Variants in TAOK2 observed in about 807,000 individuals in gnomAD.
The protein encoded by TAOK2 is serine/threonine-protein kinase TAO2.
A neutral mutation model predicts 122.5 loss-of-function variants in TAOK2; 42 were observed. The observed-to-expected ratio is 0.34, with a 90% CI of 0.27 to 0.44. The LOEUF (loss-of-function observed/expected upper bound fraction) is 0.44. Ranked by LOEUF, TAOK2 falls within the 20% of genes least tolerant of loss-of-function variation. The pLI, the probability that TAOK2 is intolerant of heterozygous loss-of-function variation, is 1.00. For missense variants in TAOK2, 1,264 were observed against 1,644.9 expected (o/e 0.77, Z 4.01); for synonymous variants, 704 against 677.6 (o/e 1.04, Z -0.61).
In TAOK2 at chr16:29,978,819, G is replaced by T; in HGVS notation, c.327G>T (p.Leu109=). 3 of 1,614,046 alleles carry T rather than the reference G, an allele frequency of 1.9e-6. No homozygotes were observed. The highest frequency in any genetic ancestry group is 1.7e-5 in the Admixed American group (1 of 60,014). The change falls in exon 5 of 16, where the codon CTG becomes CTT. Residue 109 remains leucine, a synonymous_variant. Coordinates refer to ENST00000308893, the MANE Select transcript of TAOK2 (RefSeq NM_016151.4). ...CTTAGCTGGTAATGGAGTATTGCCT[G>T]GGCTCAGCTTCTGACCTTCTAGAAG... ...HTAWLVMEYC[L]GSASDLLEVH...
rs750289878 is a variant in TAOK2, at chr16:29,987,123, C to A, written c.2851C>A (p.Leu951Ile). 5.6e-6 allele frequency: 9 copies of A among 1,606,012 alleles called. No individual in the cohort carries two copies. In the Middle Eastern group the frequency reaches 5.0e-4, roughly 89 times the overall value. The change falls in exon 16 of 16, where the codon CTC (leucine) becomes ATC (isoleucine). Residue 951 changes from leucine (L) to isoleucine (I), a missense_variant. Leu to Ile is a conservative substitution (Grantham distance 5). Transcript: ENST00000308893. ...SQLPGLLSHG[L>I]LAGLSFAVGS... ...GCTCCCTGGACTCCTGTCCCATGGCCTCCTGGCCGGCCTCTCCTTTGCAGT... is the reference window on the plus strand; with the variant it reads ...GCTCCCTGGACTCCTGTCCCATGGCATCCTGGCCGGCCTCTCCTTTGCAGT...
chr16:29,991,661 A>T, downstream of TAOK2: 1 of 1,371,042 alleles, frequency 7.3e-7, no homozygotes, highest in Non-Finnish European at 9.5e-7. The surrounding 1 kb of genome is among the most constrained non-coding windows in gnomAD (Gnocchi z 5.6). Flanking sequence ...CTGCAAGGGT[A>T]GGGGACAAGA....
At chr16:29,988,869 T>G, downstream of TAOK2, 1 of 984,856 alleles carries the variant, frequency 1.0e-6, no homozygotes, top group Non-Finnish European at 1.2e-6. Context: ...GGGCCTGGAG[T>G]GGGAGCTGAG....
At chr16:29,990,190 T>C (rs1191179278), downstream of TAOK2, 2 of 223,342 alleles carry the variant, frequency 9.0e-6, no homozygotes, top group East Asian at 1.1e-4. Flanking sequence ...TCTAAAAAAA[T>C]GATCACACCT....
rs776002398 is a variant in TAOK2 at position 29,988,083 on chromosome 16, T to C, written c.*103T>C. ...CCTAGTCCTCTCTTTTCACCCACCT[T>C]CCTCAGTTTGCTCACTTACCCCAGG... is the stretch of plus-strand genomic sequence containing the variant. On this transcript the variant is annotated 3_prime_UTR_variant, in exon 16 of 16. Transcript: ENST00000308893. 3.3e-5 allele frequency: 47 copies of C among 1,438,520 alleles called. No homozygotes were observed. The South Asian group carries it at 6.3e-4, about 19-fold the overall frequency. The allele number at this position is 1,438,520 out of a possible 1,614,324, so 89.1% of individuals were successfully genotyped here.
In TAOK2 at chr16:29,987,137, C is replaced by G; in HGVS notation, c.2865C>G (p.Leu955=). The G allele has an allele frequency of 6.3e-7, 1 of 1,592,224 alleles. No individual in the cohort carries two copies. The change falls in exon 16 of 16, where the codon CTC becomes CTG. Residue 955 remains leucine (L), a synonymous_variant. Transcript: ENST00000308893. ...TGTCCCATGGCCTCCTGGCCGGCCT[C>G]TCCTTTGCAGTGGGGTCCTCCTCTG... ...GLLSHGLLAG[L]SFAVGSSSGL... is the part of the protein sequence containing the mutation.
At chr16:29,989,562 C>G (rs1401413945), downstream of TAOK2, 18 of 1,611,628 alleles carry the variant, frequency 1.1e-5, no homozygotes, top group Admixed American at 2.7e-4. Context: ...CCCCGCTGCC[C>G]CCATCTCCCC....
intron 13 of TAOK2, among the ~76,000 whole-genome samples, chr16:29,983,976 T>C (rs1567244899): frequency 6.6e-6 from 1 of 152,212 alleles, no homozygotes. Context: ...TTCACAGTTG[T>C]GTGCTGGGGA....
chr16:29,987,218 G>A lies in TAOK2; in HGVS notation c.2946G>A (p.Gly982=). Residue 982 remains glycine, a synonymous_variant, in exon 16 of 16, where the codon GGG becomes GGA. Transcript: ENST00000308893. The stretch of plus-strand genomic sequence containing the variant: ...TTCCATTGCTGGCAGCCCAGGGTGG[G>A]GGTGGCCTGCAGGCAGCGCTGCTGG... The part of the protein sequence containing the change: ...LLLPLLAAQG[G]GGLQAALLAL... The A allele has an allele frequency of 9.1e-6, 14 of 1,545,934 alleles. No individual in the cohort carries two copies. The highest frequency in any genetic ancestry group is 1.2e-5 in the Non-Finnish European group (14 of 1,152,372).
chr16:29,977,749 C>T lies in TAOK2; in HGVS notation c.-24C>T, dbSNP rs1164058625. 4 of 1,613,358 alleles carry T rather than the reference C, an allele frequency of 2.5e-6. No homozygotes were observed. Among genetic ancestry groups the T allele is most frequent in the African/African-American group, 2.7e-5 (2 of 74,852 alleles). ...TTTCCATTCCTCAGGCCAGGCCCCA[C>T]TCTCAGGGCCCCCAGGGGCCACCAT... On this transcript the variant is annotated 5_prime_UTR_variant, in exon 2 of 16. Transcript: ENST00000308893.
In TAOK2 at chr16:29,988,160, C is replaced by T. The variant is rs2069874795; in HGVS notation, c.*180C>T. The T allele has an allele frequency of 6.3e-6, 9 of 1,433,140 alleles. No individual in the cohort carries two copies. The highest frequency in any genetic ancestry group is 8.2e-6 in the Non-Finnish European group (9 of 1,098,972). 88.8% of individuals were successfully genotyped at this position (1,433,140 alleles called of 1,614,324 possible). On this transcript the variant is annotated 3_prime_UTR_variant, in exon 16 of 16. Coordinates refer to ENST00000308893, the MANE Select transcript of TAOK2 (RefSeq NM_016151.4). ...CAGCCTCCTCAGCTGTGGAGTCCAG[C>T]AGTCACTCTGTGTTCTCCTGGCGCT...
In TAOK2 at chr16:29,982,630, G is replaced by C. The variant is rs1308647958; in HGVS notation, c.832-104G>C. 51 of 1,464,586 alleles carry C rather than the reference G, an allele frequency of 3.5e-5. No homozygotes were observed. In the East Asian group the frequency reaches 1.1e-3, roughly 32 times the overall value. The allele number at this position is 1,464,586 out of a possible 1,614,324, so 90.7% of individuals were successfully genotyped here. On this transcript the variant is annotated intron_variant, in intron 10 of 15. Coordinates refer to ENST00000308893, the MANE Select transcript of TAOK2 (RefSeq NM_016151.4). The stretch of plus-strand genomic sequence containing the variant: ...TAAGGCCAGCATCAACCCGTGGTGG[G>C]CGTGGGCCCCAGAAGAGTGCCTCAG...
At position 29,986,890 on chromosome 16, in the gene TAOK2, G is replaced by A; in HGVS notation, c.2618G>A (p.Trp873Ter). The change falls in exon 16 of 16, where the codon TGG becomes TAG. Residue 873 changes from tryptophan to a stop codon, truncating the protein, a stop_gained. Transcript: ENST00000308893. LOFTEE classifies it high-confidence loss of function. This position sits in a 1 kb window ranked among gnomAD's most constrained non-coding sequence, Gnocchi z 4.2. ...GAGGAGGCTGGGACATGGAGCTTGT[G>A]GGGGAAGGAGGATGAGAGTCTTCTG... ...GQEEAGTWSLWGKEDESLLDE... is the reference protein window; with the variant it reads ...GQEEAGTWSL The A allele has an allele frequency of 6.2e-7, 1 of 1,613,834 alleles. No individual in the cohort carries two copies.
At chr16:29,991,253 C>T (rs554577154), downstream of TAOK2, 29 of 1,612,054 alleles carry the variant, frequency 1.8e-5, 1 homozygote, top group Admixed American at 1.5e-4. The surrounding 1 kb of genome is among the most constrained non-coding windows in gnomAD (Gnocchi z 5.6). Flanking sequence ...CCTCCCGTCC[C>T]GTTCCCCGTT....
rs1249426587 is a variant in TAOK2 at position 29,987,776 on chromosome 16, A to G, written c.3504A>G (p.Leu1168=). The G allele has an allele frequency of 6.2e-7, 1 of 1,613,988 alleles. No homozygotes were observed. The highest frequency in any genetic ancestry group is 8.5e-7 in the Non-Finnish European group (1 of 1,179,922). The change falls in exon 16 of 16, where the codon TTA becomes TTG. Residue 1168 remains leucine, a synonymous_variant. Coordinates refer to ENST00000308893, the MANE Select transcript of TAOK2 (RefSeq NM_016151.4). ...NWRLARASQG[L]ASHLPPWAIH... is the part of the protein sequence containing the mutation. ...GTCTGGCACGGGCCAGCCAGGGTTT[A>G]GCATCCCACTTGCCCCCGTGGGCCA...
chr16:29,988,448 CCG>C (rs2069884899), downstream of TAOK2: 4 of 1,257,782 alleles, frequency 3.2e-6, no homozygotes, highest in South Asian at 1.3e-5. Context: ...CCTAGCCTCC[CCG>C]GTATGCCCCC....
At position 29,987,157 on chromosome 16, in the gene TAOK2, C is replaced by T. The variant is rs368349313; in HGVS notation, c.2885C>T (p.Ser962Phe). The T allele has an allele frequency of 7.0e-6, 11 of 1,571,912 alleles. No homozygotes were observed. In the African/African-American group the frequency reaches 8.2e-5, roughly 12 times the overall value. The change falls in exon 16 of 16, where the codon TCC (serine) becomes TTC (phenylalanine). Residue 962 changes from serine (S) to phenylalanine (F), a missense_variant. Ser to Phe is a radical substitution (Grantham distance 155). Around this residue, in one of 4 missense-constraint regions of TAOK2, gnomAD observed 824 missense variants for 908.7 expected, o/e 0.91. Transcript: ENST00000308893. The part of the protein sequence containing the change: ...LAGLSFAVGS[S>F]SGLLPLLLLL... ...GGCCTCTCCTTTGCAGTGGGGTCCT[C>T]CTCTGGCCTCCTGCCCCTCCTGCTG...
rs139846375 is a variant in TAOK2 at position 29,987,734 on chromosome 16, C to T, written c.3462C>T (p.Cys1154=). The change falls in exon 16 of 16, where the codon TGC becomes TGT. Residue 1154 remains cysteine (C), a synonymous_variant. Transcript: ENST00000308893. ...TGTTGGCAAGGGTCTGGGTCCTGTG[C>T]AAGGGCTGGAACTGGCGTCTGGCAC... ...LALLARVWVL[C]KGWNWRLARA... is the part of the protein sequence containing the mutation. The T allele has an allele frequency of 8.1e-6, 13 of 1,614,082 alleles. No individual in the cohort carries two copies. Among genetic ancestry groups the T allele is most frequent in the Non-Finnish European group, 9.3e-6 (11 of 1,179,946 alleles).
At chr16:29,976,698 C>T (rs2069466040) in intron 1 of TAOK2, among the ~76,000 whole-genome samples, 1 of 152,166 alleles carries the variant, frequency 6.6e-6, no homozygotes, top group South Asian at 2.1e-4. Context: ...GACAGGCTTC[C>T]TGCAAGAGGG....
Sources: allele counts gnomAD v4.1 joint callset (sites outside exome capture counted in the v4.1 genomes callset), GRCh38; gene constraint gnomAD v4.1.1; regional missense constraint gnomAD v4.1.1; non-coding constraint Gnocchi (gnomAD v3.1); transcripts MANE v1.5; gene names NCBI Gene and HGNC (gene_info 2026-07-23, HGNC 2026-07-21).